MYBPC3: variants seen among roughly 807,000 people sequenced by gnomAD.
MYBPC3 encodes myosin binding protein C3.
A neutral mutation model predicts 159.3 loss-of-function variants in MYBPC3; 108 were observed. That is an observed-to-expected ratio of 0.68 (90% confidence interval 0.58 to 0.80). The LOEUF (loss-of-function observed/expected upper bound fraction) is 0.80. Among genes scored for constraint, MYBPC3 ranks in the 30% least tolerant of loss-of-function variants. MYBPC3 has a pLI of 0.00. For missense variants in MYBPC3, 1,631 were observed against 1,762.1 expected, an observed-to-expected ratio of 0.93 and a Z score of 1.33; for synonymous variants, 730 against 702.0, an observed-to-expected ratio of 1.04 and a Z score of -0.63.
In MYBPC3 at chr11:47,333,048, T is replaced by C; in HGVS notation, c.3331-75A>G. 1.9e-6 allele frequency: 3 copies of C among 1,543,098 alleles called. 1 individual carries two copies. The highest frequency in any genetic ancestry group is 2.4e-5 in the South Asian group (2 of 82,400). ...TGCCGAGAGCCTCTCCTGGGTGCCC[T>C]TGGCATCTCCACCCCTACTATGGAG... On this transcript the variant is annotated intron_variant, in intron 30 of 34. Coordinates refer to ENST00000545968, the MANE Select transcript of MYBPC3 (RefSeq NM_000256.3).
intron 22 of MYBPC3, 47 bp downstream of exon 22, chr11:47,339,277 A>G (rs760146825): frequency 6.3e-7 from 1 of 1,595,890 alleles, no homozygotes; most frequent in Non-Finnish European, 8.6e-7. Context: ...GTAGGTAGAA[A>G]GTGATGAAAG....
In MYBPC3 at chr11:47,333,986, C is replaced by A; in HGVS notation, c.2930G>T (p.Arg977Met). The change falls in exon 28 of 35, where the codon AGG becomes ATG. Residue 977 changes from arginine (R) to methionine (M), a missense_variant. Physicochemically the swap from Arg to Met is moderately conservative, Grantham distance 91 (BLOSUM62 -1). Coordinates refer to ENST00000545968, the MANE Select transcript of MYBPC3 (RefSeq NM_000256.3). ...ILQRPRLQLP[R>M]HLRQTIQKKV... is the part of the protein sequence containing the mutation. ...CTTCTGAATGGTCTGGCGCAGGTGCCTGGGCAGCTGAAGCCGTGGCCGTTC... is the reference window on the plus strand; with the variant it reads ...CTTCTGAATGGTCTGGCGCAGGTGCATGGGCAGCTGAAGCCGTGGCCGTTC... 1 of 1,583,546 alleles carries A rather than the reference C, an allele frequency of 6.3e-7. No individual in the cohort carries two copies. Among genetic ancestry groups the A allele is most frequent in the Non-Finnish European group, 8.6e-7 (1 of 1,165,196 alleles).
chr11:47,340,645 C>T (rs368739427), intron 20 of MYBPC3, among the ~76,000 whole-genome samples: 6 of 151,246 alleles, frequency 4.0e-5, no homozygotes, highest in Non-Finnish European at 7.4e-5. Flanking sequence ...CCAGCGTGGG[C>T]GACAGAGGGA....
Position 47,351,199 on chromosome 11 carries a change from C to A in MYBPC3, c.292+40G>T, listed in dbSNP as rs937527008. The A allele has an allele frequency of 6.8e-7, 1 of 1,469,182 alleles. No individual in the cohort carries two copies. Among genetic ancestry groups the A allele is most frequent in the Non-Finnish European group, 9.1e-7 (1 of 1,100,208 alleles). 91.0% of individuals were successfully genotyped at this position (1,469,182 alleles called of 1,614,324 possible). ...GAGAGTCGCTGGGCTGCCCCTCCCC[C>A]AGCAGCCCAAACCTCAGGGAAGGCT... On this transcript the variant is annotated intron_variant, in intron 2 of 34. Coordinates refer to ENST00000545968, the MANE Select transcript of MYBPC3 (RefSeq NM_000256.3). This position sits in a 1 kb window ranked among gnomAD's most constrained non-coding sequence, Gnocchi z 4.2.
In MYBPC3 at chr11:47,348,908, T is replaced by TTATATATATATATATACA. The variant is rs1555123223; in HGVS notation, c.655-368_655-367insTGTATATATATATATATA. Among the ~76,000 whole-genome samples the TTATATATATATATATACA allele has an allele frequency of 5.0e-5, 2 of 39,884 alleles. 1 individual carries two copies. Among genetic ancestry groups the TTATATATATATATATACA allele is most frequent in the African/African-American group, 1.5e-4 (2 of 13,140 alleles). 26.2% of individuals were successfully genotyped at this position (39,884 alleles called of 152,430 possible). A position where few individuals can be genotyped will look rare whatever the true frequency, so the allele number is the denominator to read the frequency against. ...CGACAGAGCGAGACCCTGTCTCAAATTATATATATATATATATATTTAAAG... is the reference window on the plus strand; with the variant it reads ...CGACAGAGCGAGACCCTGTCTCAAATTATATATATATATATACATATATATATATATATATATTTAAAG... On this transcript the variant is annotated intron_variant, in intron 5 of 34. Coordinates refer to ENST00000545968, the MANE Select transcript of MYBPC3 (RefSeq NM_000256.3).
chr11:47,332,283 G>A lies in MYBPC3; in HGVS notation c.3628-25C>T, dbSNP rs752699226. ...GCTATAAATAAGGTAAAGAGAGGGA[G>A]GGAAGCCATCCAGGCTGAGAGGGGA... On this transcript the variant is annotated intron_variant, in intron 32 of 34. Transcript: ENST00000545968. The surrounding 1 kb of genome is among the most constrained non-coding windows in gnomAD (Gnocchi z 4.2). 4 of 1,606,426 alleles carry A rather than the reference G, an allele frequency of 2.5e-6. 1 individual carries two copies. In the South Asian group the frequency reaches 3.5e-5, roughly 14 times the overall value.
intron 13 of MYBPC3, 113 bp downstream of exon 13, chr11:47,343,379 G>A: frequency 6.7e-7 from 1 of 1,482,734 alleles, no homozygotes; most frequent in South Asian, 1.3e-5. Context: ...GGCCCAGAGA[G>A]ATGGGGCTGA....
Position 47,346,086 on chromosome 11 carries a change from G to T in MYBPC3, c.1090+121C>A. The T allele has an allele frequency of 7.4e-7, 1 of 1,353,848 alleles. No individual in the cohort carries two copies. Among genetic ancestry groups the T allele is most frequent in the Non-Finnish European group, 1.0e-6 (1 of 1,000,278 alleles). The allele number at this position is 1,353,848 out of a possible 1,614,324, so 83.9% of individuals were successfully genotyped here. A position where few individuals can be genotyped will look rare whatever the true frequency, so the allele number is the denominator to read the frequency against. On this transcript the variant is annotated intron_variant, in intron 12 of 34. Transcript: ENST00000545968. The surrounding 1 kb of genome is among the most constrained non-coding windows in gnomAD (Gnocchi z 5.3). ...TCTTTCCATGTATGTGGACGAGGTG[G>T]GGGGCTAACCTGTGCCCTCTCCTCT...
At chr11:47,336,822 A>T (rs1565624952) in intron 25 of MYBPC3, among the ~76,000 whole-genome samples, 1 of 152,236 alleles carries the variant, frequency 6.6e-6, no homozygotes, top group East Asian at 1.9e-4. Flanking sequence ...CAGATGAGGA[A>T]GCTGAGGCTT....
chr11:47,337,625 C>G, intron 24 of MYBPC3, 46 bp from the exon 25 acceptor site: 1 of 1,612,510 alleles, frequency 6.2e-7, no homozygotes. Flanking sequence ...CCAGGCATCC[C>G]CACACCACCT....
rs543537069 is a variant in MYBPC3, at chr11:47,338,357, C to G, written c.2308+163G>C. On this transcript the variant is annotated intron_variant, in intron 23 of 34. Transcript: ENST00000545968. The surrounding 1 kb of genome is among the most constrained non-coding windows in gnomAD (Gnocchi z 4.7). ...CTGCTGGATGCATCTGCCTCCATCT[C>G]CCCCAGAGCGGGGCTCCTTTTGGGC... 1.3e-5 allele frequency among the ~76,000 whole-genome samples: 2 copies of G among 152,344 alleles called. No homozygotes were observed. Among genetic ancestry groups the G allele is most frequent in the East Asian group, 1.9e-4 (1 of 5,182 alleles).
At chr11:47,341,352 G>T in intron 18 of MYBPC3, 108 bp from the exon 19 acceptor site, 3 of 775,172 alleles carry the variant, frequency 3.9e-6, no homozygotes, top group Non-Finnish European at 6.0e-6. Context: ...CTGGCTTGTT[G>T]GTATTCTGAT....
At chr11:47,348,329 G>A in intron 6 of MYBPC3, 95 bp downstream of exon 6, 3 of 920,160 alleles carry the variant, frequency 3.3e-6, no homozygotes, top group Non-Finnish European at 3.4e-6. Context: ...ATGTCTGGAT[G>A]GGACGAGGCA....
At chr11:47,340,822 G>T (rs892911124) in intron 20 of MYBPC3, among the ~76,000 whole-genome samples, 181 bp downstream of exon 20, 38 of 152,202 alleles carry the variant, frequency 2.5e-4, no homozygotes, top group African/African-American at 8.7e-4. Context: ...TTTTAGAGAA[G>T]AGGAAACTGA....
rs1378278382 is a variant in MYBPC3, at chr11:47,331,872, C to T, written c.3824G>A (p.Ter1275=). Residue 1275 remains the stop codon, a stop_retained_variant, in exon 34 of 35, where the codon TGA becomes TAA. Coordinates refer to ENST00000545968, the MANE Select transcript of MYBPC3 (RefSeq NM_000256.3). ...ECRLEVRVPQ[*] ...GGCCATCCCCAGGAGCCAGCCTGGT[C>T]ACTGAGGCACTGCAGAAGAGGAGGC... 6.2e-7 allele frequency: 1 copy of T among 1,609,982 alleles called. No homozygotes were observed. Among genetic ancestry groups the T allele is most frequent in the Non-Finnish European group, 8.5e-7 (1 of 1,178,514 alleles).
chr11:47,347,915 A>G lies in MYBPC3; in HGVS notation c.773-10T>C, dbSNP rs1465752805. ...CCGGTGCCCATGGCCTCTGGGTTCA[A>G]AGGGTGGAGAGATGGGGGAAGGGGC... On this transcript the variant is annotated splice_polypyrimidine_tract_variant and intron_variant, in intron 6 of 34. Transcript: ENST00000545968. 2 of 1,572,020 alleles carry G rather than the reference A, an allele frequency of 1.3e-6. No homozygotes were observed. Among genetic ancestry groups the G allele is most frequent in the East Asian group, 2.4e-5 (1 of 42,450 alleles).
In MYBPC3 at chr11:47,341,230, G is replaced by A. The variant is rs730880551; in HGVS notation, c.1805C>T (p.Thr602Ile). 4.4e-6 allele frequency: 7 copies of A among 1,589,806 alleles called. No homozygotes were observed. The highest frequency in any genetic ancestry group is 1.1e-5 in the South Asian group (1 of 87,040). The change falls in exon 19 of 35, where the codon ACC becomes ATC. Residue 602 changes from threonine to isoleucine, a missense_variant. Physicochemically the swap from Thr to Ile is moderately conservative, Grantham distance 89. Transcript: ENST00000545968. ...GTCGGCAGGTGTGACGTCGTCAATG[G>A]TCAGTTTGTGGACCCTGCAGGGGAG... ...VSHIGRVHKL[T>I]IDDVTPADEA...
rs181840234 is a variant in MYBPC3 at position 47,349,934 on chromosome 11, G to A, written c.506-12C>T. ...GGTGATGCTGCCACCTGCAAAGGCA[G>A]GGGCGACAGGCCCGGCTTGGGGAGT... On this transcript the variant is annotated splice_polypyrimidine_tract_variant and intron_variant, in intron 4 of 34. Transcript: ENST00000545968. 8.6e-5 allele frequency: 14 copies of A among 163,520 alleles called. No homozygotes were observed. The highest frequency in any genetic ancestry group is 8.5e-4 in the Admixed American group (7 of 8,262). 10.1% of individuals were successfully genotyped at this position (163,520 alleles called of 1,614,324 possible).
In MYBPC3 at chr11:47,346,254, A is replaced by G. The variant is rs2142864171; in HGVS notation, c.1043T>C (p.Met348Thr). Residue 348 changes from methionine to threonine, a missense_variant, in exon 12 of 35, where the codon ATG becomes ACG. Met to Thr is a moderately conservative substitution (Grantham distance 81). Coordinates refer to ENST00000545968, the MANE Select transcript of MYBPC3 (RefSeq NM_000256.3). This position sits in a 1 kb window ranked among gnomAD's most constrained non-coding sequence, Gnocchi z 5.3. ...CCTCATGCCCTTGAGCCTCTTTAGCATGCCGCGCAGGTCAGTGACGCCGTA... is the reference window on the plus strand; with the variant it reads ...CCTCATGCCCTTGAGCCTCTTTAGCGTGCCGCGCAGGTCAGTGACGCCGTA... Reference protein sequence around the residue: ...FQYGVTDLRGMLKRLKGMRRD... With the variant: ...FQYGVTDLRGTLKRLKGMRRD... 5.0e-6 allele frequency: 8 copies of G among 1,613,874 alleles called. No homozygotes were observed. The highest frequency in any genetic ancestry group is 6.8e-6 in the Non-Finnish European group (8 of 1,179,838).
Sources: allele counts gnomAD v4.1 joint callset (sites outside exome capture counted in the v4.1 genomes callset), GRCh38; gene constraint gnomAD v4.1.1; non-coding constraint Gnocchi (gnomAD v3.1); transcripts MANE v1.5; gene names NCBI Gene and HGNC (gene_info 2026-07-23, HGNC 2026-07-21).